RAB3C: variants seen among roughly 807,000 people sequenced by gnomAD.
RAB3C encodes the protein RAB3C, member RAS oncogene family.
In RAB3C, 17 loss-of-function variants were observed where a neutral mutation model predicts 26.4. The ratio of observed to expected loss-of-function variants is 0.64; its 90% CI spans 0.44 to 0.97. The LOEUF (loss-of-function observed/expected upper bound fraction) is 0.97. RAB3C is among the 50% of genes least tolerant of loss of function. The pLI is 0.00. For missense variants in RAB3C, 242 were observed against 281.9 expected, an observed-to-expected ratio of 0.86 and a Z score of 1.01; for synonymous variants, 91 against 95.9, an observed-to-expected ratio of 0.95 and a Z score of 0.30.
At chr5:58,645,305 C>T (rs1301988829) in intron 2 of RAB3C, among the ~76,000 whole-genome samples, 1 of 152,174 alleles carries the variant, frequency 6.6e-6, no homozygotes, top group East Asian at 1.9e-4. Flanking sequence ...TCTCTTGTAC[C>T]TCTCCTAAAT....
intron 1 of RAB3C, among the ~76,000 whole-genome samples, chr5:58,609,392 T>C (rs1746645565): frequency 1.3e-5 from 2 of 152,110 alleles, no homozygotes; most frequent in African/African-American, 2.4e-5. Flanking sequence ...GAAGTAGCCT[T>C]TGAAATGTAC....
chr5:58,779,192 TC>T (rs1742215740), intron 3 of RAB3C, among the ~76,000 whole-genome samples: 1 of 151,982 alleles, frequency 6.6e-6, no homozygotes, highest in Admixed American at 6.6e-5. Context: ...AACAAACTGA[TC>T]CCATCCAAGT....
At chr5:58,739,584 A>C (rs938863794) in intron 3 of RAB3C, among the ~76,000 whole-genome samples, 5 of 152,234 alleles carry the variant, frequency 3.3e-5, no homozygotes, top group African/African-American at 1.2e-4. Context: ...AACATTAGAC[A>C]TGGGAGGTCA....
chr5:58,745,557 C>T (rs1326874798), intron 3 of RAB3C, among the ~76,000 whole-genome samples: 1 of 152,060 alleles, frequency 6.6e-6, no homozygotes, highest in Non-Finnish European at 1.5e-5. Flanking sequence ...TCCTTACTGC[C>T]GGTCTCTATA....
chr5:58,618,655 A>G (rs1266228197), intron 2 of RAB3C, among the ~76,000 whole-genome samples: 2 of 152,178 alleles, frequency 1.3e-5, no homozygotes, highest in Non-Finnish European at 2.9e-5. Context: ...AATATAAAAG[A>G]TGGAGCAGCC....
chr5:58,759,400 A>G (rs1390273868), intron 3 of RAB3C, among the ~76,000 whole-genome samples: 2 of 152,226 alleles, frequency 1.3e-5, no homozygotes, highest in African/African-American at 4.8e-5. Context: ...AGTTAGGCAC[A>G]TATACCTGGA....
chr5:58,760,376 A>T (rs1367321796), intron 3 of RAB3C, among the ~76,000 whole-genome samples: 2 of 152,182 alleles, frequency 1.3e-5, no homozygotes. Flanking sequence ...CTACTTAATG[A>T]TTTGGATGCA....
chr5:58,827,860 G>T (rs1743523733), intron 4 of RAB3C, among the ~76,000 whole-genome samples: 1 of 152,080 alleles, frequency 6.6e-6, no homozygotes, highest in Non-Finnish European at 1.5e-5. Flanking sequence ...TAAATTTAAA[G>T]ATTTTAAAGG....
At chr5:58,742,191 C>T (rs1741289741) in intron 3 of RAB3C, among the ~76,000 whole-genome samples, 1 of 152,114 alleles carries the variant, frequency 6.6e-6, no homozygotes, top group African/African-American at 2.4e-5. Flanking sequence ...CTCACTTTCC[C>T]CTTGACATTC....
At chr5:58,672,083 C>G (rs1478495012) in intron 2 of RAB3C, among the ~76,000 whole-genome samples, 1 of 152,132 alleles carries the variant, frequency 6.6e-6, no homozygotes, top group Non-Finnish European at 1.5e-5. Context: ...AGATGTCTCA[C>G]TATAGAGCTT....
chr5:58,744,934 G>A lies in RAB3C; in HGVS notation c.371+18814G>A, dbSNP rs549352667. ...GTTTTTTTCAGGGGAAATAAGACAC[G>A]TAGTGCCCTGGTCACCAGGCCATTA... On this transcript the variant is annotated intron_variant, in intron 3 of 4. Transcript: ENST00000282878. Among the ~76,000 whole-genome samples the A allele has an allele frequency of 3.9e-5, 6 of 152,182 alleles. No homozygotes were observed. In the South Asian group the frequency reaches 6.2e-4, roughly 16 times the overall value.
In RAB3C at chr5:58,851,166, T is replaced by C; in HGVS notation, c.499T>C (p.Phe167Leu). The stretch of plus-strand genomic sequence containing the variant: ...GTGTTTCTGTGTGTTTCTTCCAGGG[T>C]TTGAGTTTTTTGAAACAAGTGCCAA... ...RGQHLGEQLG[F>L]EFFETSAKDN... The change falls in exon 5 of 5, where the codon TTT (phenylalanine) becomes CTT (leucine). Residue 167 changes from phenylalanine (F) to leucine (L), a missense_variant and splice_region_variant. Physicochemically the swap from Phe to Leu is conservative, Grantham distance 22. Coordinates refer to ENST00000282878, the MANE Select transcript of RAB3C (RefSeq NM_138453.4). 1.3e-6 allele frequency: 2 copies of C among 1,590,568 alleles called. No homozygotes were observed. The highest frequency in any genetic ancestry group is 1.7e-6 in the Non-Finnish European group (2 of 1,171,586).
chr5:58,666,788 G>A (rs542485565), intron 2 of RAB3C, among the ~76,000 whole-genome samples: 1 of 152,306 alleles, frequency 6.6e-6, no homozygotes, highest in Non-Finnish European at 1.5e-5. Flanking sequence ...TGAATGTGAA[G>A]CTAATTATAT....
intron 1 of RAB3C, among the ~76,000 whole-genome samples, chr5:58,606,789 A>G (rs1746582107): frequency 6.6e-6 from 1 of 152,132 alleles, no homozygotes; most frequent in Admixed American, 6.6e-5. Flanking sequence ...GGAGTAGTGG[A>G]CCTCCAGCAA....
chr5:58,591,810 TTC>T (rs1037423573), intron 1 of RAB3C, among the ~76,000 whole-genome samples: 2 of 150,844 alleles, frequency 1.3e-5, no homozygotes, highest in Non-Finnish European at 3.0e-5. Flanking sequence ...TTCTTTTTCT[TTC>T]TCTGTTTCGT....
chr5:58,803,325 GT>G (rs1212499806), intron 3 of RAB3C, among the ~76,000 whole-genome samples: 2 of 152,068 alleles, frequency 1.3e-5, no homozygotes, highest in African/African-American at 4.8e-5. Context: ...AAAATTTTAG[GT>G]TTGTGGTTTT....
In RAB3C at chr5:58,717,797, C is replaced by G. The variant is rs530220766; in HGVS notation, c.253-8205C>G. On this transcript the variant is annotated intron_variant, in intron 2 of 4. Transcript: ENST00000282878. ...GGCTTCTCCACTGCCTCCCCTTCCTCAACCCTGCTGTCTCTCTCCAGGTAT... is the reference window on the plus strand; with the variant it reads ...GGCTTCTCCACTGCCTCCCCTTCCTGAACCCTGCTGTCTCTCTCCAGGTAT... 3.9e-5 allele frequency among the ~76,000 whole-genome samples: 6 copies of G among 152,188 alleles called. No homozygotes were observed. In the East Asian group the frequency reaches 1.2e-3, roughly 30 times the overall value.
At chr5:58,605,755 G>A (rs937098853) in intron 1 of RAB3C, among the ~76,000 whole-genome samples, 16 of 152,028 alleles carry the variant, frequency 1.1e-4, no homozygotes, top group African/African-American at 2.4e-4. Context: ...AAAATTAGCC[G>A]AATGTGTTGG....
At chr5:58,672,427 T>G (rs889137124) in intron 2 of RAB3C, among the ~76,000 whole-genome samples, 2 of 152,180 alleles carry the variant, frequency 1.3e-5, no homozygotes, top group Non-Finnish European at 2.9e-5. Flanking sequence ...GCCAAACTAT[T>G]TCCTTGAGGC....
Sources: allele counts gnomAD v4.1 joint callset (sites outside exome capture counted in the v4.1 genomes callset), GRCh38; gene constraint gnomAD v4.1.1; transcripts MANE v1.5; gene names NCBI Gene and HGNC (gene_info 2026-07-23, HGNC 2026-07-21).